DNAH7: variants seen among roughly 807,000 people sequenced by gnomAD.
DNAH7 encodes dynein axonemal heavy chain 7.
Under a neutral mutation model 444.6 loss-of-function variants are expected in DNAH7, and 397 were observed. The observed-to-expected ratio is 0.89, with a 90% CI of 0.82 to 0.97. DNAH7 has a LOEUF of 0.97. DNAH7 is among the 50% of genes least tolerant of loss of function. The probability of loss-of-function intolerance (pLI) is 0.00; values close to 1 mark genes in which losing one functional copy is unlikely to be tolerated. For synonymous variants in DNAH7, 1,636 were observed against 1,624.4 expected, an observed-to-expected ratio of 1.01 and a Z score of -0.17; for missense variants, 4,902 against 4,800.8, an observed-to-expected ratio of 1.02 and a Z score of -0.62.
chr2:195,888,203 G>A, intron 33 of DNAH7, 55 bp downstream of exon 33: 1 of 1,408,628 alleles, frequency 7.1e-7, no homozygotes, highest in Non-Finnish European at 9.7e-7. Context: ...TGATATGTAA[G>A]TCTAATTTGA....
chr2:195,957,551 T>C (rs993601495), intron 18 of DNAH7, 104 bp from the exon 19 acceptor site: 2 of 702,134 alleles, frequency 2.8e-6, no homozygotes, highest in South Asian at 6.7e-5. Context: ...TATATAATGT[T>C]ATACAATTGT....
Position 196,068,777 on chromosome 2 carries a change from C to T in DNAH7, c.-66G>A, listed in dbSNP as rs541652658. 7 of 1,542,792 alleles carry T rather than the reference C, an allele frequency of 4.5e-6. No homozygotes were observed. Among genetic ancestry groups the T allele is most frequent in the African/African-American group, 4.1e-5 (3 of 72,932 alleles). ...GCTCCTGCCCGCGGAACCCCTAGGA[C>T]GATAGAGGCAGGGCCCCGGGACTTG... On this transcript the variant is annotated 5_prime_UTR_variant, in exon 1 of 65. Coordinates refer to ENST00000312428, the MANE Select transcript of DNAH7 (RefSeq NM_018897.3).
chr2:195,878,183 C>T (rs1238057728), intron 36 of DNAH7, among the ~76,000 whole-genome samples: 1 of 152,180 alleles, frequency 6.6e-6, no homozygotes, highest in Non-Finnish European at 1.5e-5. Context: ...TATTATTTCA[C>T]TTAGCTTGCC....
chr2:195,857,380 T>C lies in DNAH7; in HGVS notation c.8411A>G (p.Asp2804Gly). 1.9e-6 allele frequency: 3 copies of C among 1,563,450 alleles called. No homozygotes were observed. In the South Asian group the frequency reaches 3.8e-5, roughly 20 times the overall value. Residue 2804 changes from aspartate (D) to glycine (G), a missense_variant, in exon 44 of 65, where the codon GAT becomes GGT. Physicochemically the swap from Asp to Gly is moderately conservative, Grantham distance 94. Coordinates refer to ENST00000312428, the MANE Select transcript of DNAH7 (RefSeq NM_018897.3). Reference sequence around the variant, plus strand: ...ATTTCTTTTTATCAGCACTTACTTATCATATGAATCCATTGCTATGACCCA... The same window carrying C: ...ATTTCTTTTTATCAGCACTTACTTACCATATGAATCCATTGCTATGACCCA... ...CKWVIAMDSY[D>G]KVAKIVAPKK...
At chr2:195,744,003 C>G (rs183374083) in intron 63 of DNAH7, among the ~76,000 whole-genome samples, 8 of 152,312 alleles carry the variant, frequency 5.3e-5, no homozygotes, top group South Asian at 2.1e-4. Flanking sequence ...GAGTGCCAGA[C>G]AGTGGGTGCA....
chr2:195,897,686 TG>T lies in DNAH7; in HGVS notation c.4627del (p.His1543MetfsTer17), dbSNP rs773320410. ...TCTTACCTCAAAGAGTGGTAAATCA[TG>T]GGATAAAAATTTTGGCAGATTTACA... ...IDVNLPKFLSHDLPLFEGITS... is the reference protein window; with the variant it reads ...IDVNLPKFLSXDLPLFEGITS... On this transcript the variant is annotated frameshift_variant, in exon 29 of 65. Coordinates refer to ENST00000312428, the MANE Select transcript of DNAH7 (RefSeq NM_018897.3). LOFTEE classifies it high-confidence loss of function. The T allele has an allele frequency of 3.8e-5, 61 of 1,597,260 alleles. No individual in the cohort carries two copies. The highest frequency in any genetic ancestry group is 5.0e-5 in the Non-Finnish European group (58 of 1,169,518).
rs1372024791 is a variant in DNAH7 at position 195,864,815 on chromosome 2, ATCC to A, written c.6837_6839del (p.Glu2279del). On this transcript the variant is annotated inframe_deletion, in exon 41 of 65. Transcript: ENST00000312428. ...CATCTGCGATTTCTCTGTAGTTGGTATCCTCCCTCTTGGGATCATGGAAATCAC... is the reference window on the plus strand; with the variant it reads ...CATCTGCGATTTCTCTGTAGTTGGTATCCCTCTTGGGATCATGGAAATCAC... 1.2e-6 allele frequency: 2 copies of A among 1,614,210 alleles called. No homozygotes were observed. Among genetic ancestry groups the A allele is most frequent in the South Asian group, 2.2e-5 (2 of 91,086 alleles).
chr2:195,900,584 G>T, intron 27 of DNAH7, 90 bp from the exon 28 acceptor site: 1 of 1,232,198 alleles, frequency 8.1e-7, no homozygotes, highest in Non-Finnish European at 1.2e-6. Flanking sequence ...TCACTAATAT[G>T]TGGAGGCTAA....
chr2:195,850,284 T>TG (rs752080919), intron 46 of DNAH7, among the ~76,000 whole-genome samples: 31 of 121,798 alleles, frequency 2.5e-4, no homozygotes, highest in South Asian at 1.4e-3. Context: ...CATAAGGTCA[T>TG]GAAAAAAAAA....
chr2:195,875,647 T>G (rs1387690016), intron 38 of DNAH7, 28 bp downstream of exon 38: 1 of 1,533,596 alleles, frequency 6.5e-7, no homozygotes, highest in East Asian at 2.3e-5. Flanking sequence ...TTTTTCCATC[T>G]TAGTAATCAC....
chr2:195,965,052 T>C (rs1691380408), intron 17 of DNAH7, among the ~76,000 whole-genome samples: 1 of 152,172 alleles, frequency 6.6e-6, no homozygotes, highest in Admixed American at 6.5e-5. Context: ...AGATTTTAGA[T>C]AAAAGGCTTT....
At chr2:195,816,998 A>G in intron 50 of DNAH7, 35 bp from the exon 51 acceptor site, 1 of 1,463,138 alleles carries the variant, frequency 6.8e-7, no homozygotes, top group Non-Finnish European at 9.2e-7. Context: ...GAAGAAAAAG[A>G]AGTCATTTAA....
chr2:195,912,708 T>G (rs182741756), intron 24 of DNAH7, among the ~76,000 whole-genome samples: 2 of 152,242 alleles, frequency 1.3e-5, no homozygotes, highest in African/African-American at 4.8e-5. Flanking sequence ...GACATCACTA[T>G]ACAGCCAAGA....
chr2:195,878,856 G>T (rs746213412), intron 36 of DNAH7, among the ~76,000 whole-genome samples: 19 of 152,134 alleles, frequency 1.2e-4, no homozygotes, highest in African/African-American at 3.6e-4. Context: ...ATGGTGAAAG[G>T]TATTGGTGAT....
chr2:195,804,942 A>G (rs1175167502), intron 54 of DNAH7, among the ~76,000 whole-genome samples: 1 of 152,200 alleles, frequency 6.6e-6, no homozygotes, highest in Non-Finnish European at 1.5e-5. Context: ...AAGTAGCTGA[A>G]AGAAGTATAA....
intron 47 of DNAH7, among the ~76,000 whole-genome samples, chr2:195,836,219 A>G (rs78345437): frequency 9.3e-4 from 141 of 152,248 alleles, no homozygotes; most frequent in African/African-American, 3.3e-3. Context: ...TTACCTCTTT[A>G]AAGGACCTAT....
chr2:196,054,875 G>C (rs1697705927), intron 2 of DNAH7, among the ~76,000 whole-genome samples: 1 of 152,092 alleles, frequency 6.6e-6, no homozygotes, highest in South Asian at 2.1e-4. Context: ...GAAGAAAGTT[G>C]CTTCCCTTTC....
At chr2:195,759,913 A>G (rs1208785534) in intron 61 of DNAH7, among the ~76,000 whole-genome samples, 2 of 152,160 alleles carry the variant, frequency 1.3e-5, no homozygotes, top group Admixed American at 1.3e-4. Flanking sequence ...CCTGGCCTCA[A>G]GCAATCCTCC....
chr2:195,801,883 AT>A (rs1294853279), intron 54 of DNAH7, among the ~76,000 whole-genome samples: 1 of 152,156 alleles, frequency 6.6e-6, no homozygotes, highest in Admixed American at 6.5e-5. Context: ...TAGGGATCAG[AT>A]TTTTTTAATC....
Sources: allele counts gnomAD v4.1 joint callset (sites outside exome capture counted in the v4.1 genomes callset), GRCh38; gene constraint gnomAD v4.1.1; transcripts MANE v1.5; gene names NCBI Gene and HGNC (gene_info 2026-07-23, HGNC 2026-07-21).